Variants in DNAH8 observed in about 807,000 individuals in gnomAD.
The protein encoded by DNAH8 is dynein axonemal heavy chain 8, also known as axonemal beta dynein heavy chain 8.
A neutral mutation model predicts 562.1 loss-of-function variants in DNAH8; 382 were observed. The ratio of observed to expected loss-of-function variants is 0.68; its 90% CI spans 0.63 to 0.74. The LOEUF (loss-of-function observed/expected upper bound fraction) is 0.74, where lower values mean the gene tolerates loss of function less well. DNAH8 is among the 30% of genes least tolerant of loss of function. The pLI is 0.00. For synonymous variants in DNAH8, 1,881 were observed against 1,919.4 expected, an observed-to-expected ratio of 0.98 and a Z score of 0.52; for missense variants, 5,203 against 5,620.4, an observed-to-expected ratio of 0.93 and a Z score of 2.37.
At chr6:38,948,996 C>T (rs72853756) in intron 80 of DNAH8, among the ~76,000 whole-genome samples, 4,159 of 152,160 alleles carry the variant, frequency 0.027, 69 homozygotes, top group Non-Finnish European at 0.043. Flanking sequence ...GGGTAATCTA[C>T]CCACCCCCAG....
intron 4 of DNAH8, among the ~76,000 whole-genome samples, chr6:38,730,668 C>A (rs1763594946): frequency 6.6e-6 from 1 of 152,140 alleles, no homozygotes; most frequent in African/African-American, 2.4e-5. Context: ...TGTATTCCTG[C>A]CAAGTATATC....
intron 89 of DNAH8, among the ~76,000 whole-genome samples, chr6:39,011,922 T>C (rs1031853733): frequency 6.6e-6 from 1 of 152,164 alleles, no homozygotes; most frequent in Non-Finnish European, 1.5e-5. Flanking sequence ...TACTTAATCA[T>C]GTGAAAGGAG....
Position 38,971,654 on chromosome 6 carries a change from T to G in DNAH8, c.12514T>G (p.Ser4172Ala). 1 of 1,601,262 alleles carries G rather than the reference T, an allele frequency of 6.2e-7. No homozygotes were observed. Among genetic ancestry groups the G allele is most frequent in the African/African-American group, 1.3e-5 (1 of 74,644 alleles). Residue 4172 changes from serine to alanine, a missense_variant, in exon 83 of 93, where the codon TCA becomes GCA. By Grantham distance (99) the Ser-to-Ala change is moderately conservative. Transcript: ENST00000327475. ...ACATGCTCGAAAGCTGATTCAGATG[T>G]CAATGCAGCAGGTATGTGACAAGAG... ...EVHARKLIQM[S>A]MQQGGWVLLQ...
At chr6:38,718,726 T>C (rs1762526654) in intron 1 of DNAH8, among the ~76,000 whole-genome samples, 3 of 152,238 alleles carry the variant, frequency 2.0e-5, no homozygotes. Context: ...AGAGTCTGTA[T>C]GTCAGTGTTC....
At chr6:38,828,723 G>A (rs576818798) in intron 30 of DNAH8, among the ~76,000 whole-genome samples, 1 of 152,242 alleles carries the variant, frequency 6.6e-6, no homozygotes, top group African/African-American at 2.4e-5. Flanking sequence ...TATTTTAATG[G>A]CTTTATTGAG....
chr6:38,963,069 A>G (rs1762717693), intron 82 of DNAH8, among the ~76,000 whole-genome samples: 2 of 152,090 alleles, frequency 1.3e-5, no homozygotes, highest in Non-Finnish European at 2.9e-5. Flanking sequence ...AGAAATCACC[A>G]CTAAAAATCT....
rs776245704 is a variant in DNAH8 at position 38,723,166 on chromosome 6, T to C, written c.357T>C (p.Leu119=). The stretch of plus-strand genomic sequence containing the variant: ...GATACCGCCGGAGTATGAGTGGCCT[T>C]CCCAATCTACAGGAAACATTAAAAG... ...SSRYRRSMSG[L]PNLQETLKER... The change falls in exon 2 of 93, where the codon CTT becomes CTC. Residue 119 remains leucine, a synonymous_variant. Transcript: ENST00000327475. 5.0e-6 allele frequency: 8 copies of C among 1,612,364 alleles called. No individual in the cohort carries two copies. In the South Asian group the frequency reaches 6.6e-5, roughly 13 times the overall value.
rs775597703 is a variant in DNAH8 at position 38,929,679 on chromosome 6, A to G, written c.11274+13A>G. The G allele has an allele frequency of 4.1e-5, 44 of 1,070,678 alleles. No homozygotes were observed. The East Asian group carries it at 1.4e-3, about 34-fold the overall frequency. The allele number at this position is 1,070,678 out of a possible 1,614,324, so 66.3% of individuals were successfully genotyped here. Reference sequence around the variant, plus strand: ...CACCACTTTCAAGGTGAGCTTTGTAAAAAAAAAAAAAAAGAAAGAAAGAAA... The same window carrying G: ...CACCACTTTCAAGGTGAGCTTTGTAGAAAAAAAAAAAAAGAAAGAAAGAAA... On this transcript the variant is annotated intron_variant, in intron 75 of 92. Transcript: ENST00000327475.
intron 62 of DNAH8, among the ~76,000 whole-genome samples, chr6:38,904,767 G>A (rs897202779): frequency 6.1e-5 from 9 of 148,150 alleles, no homozygotes; most frequent in African/African-American, 2.3e-4. Context: ...ACTCCAGCCT[G>A]GGCAAGAAGA....
In DNAH8 at chr6:38,775,780, A is replaced by G; in HGVS notation, c.1791A>G (p.Gln597=). 6.3e-7 allele frequency: 1 copy of G among 1,597,314 alleles called. No homozygotes were observed. The highest frequency in any genetic ancestry group is 8.6e-7 in the Non-Finnish European group (1 of 1,165,996). Residue 597 remains glutamine, a synonymous_variant, in exon 13 of 93, where the codon CAA becomes CAG. Transcript: ENST00000327475. The stretch of plus-strand genomic sequence containing the variant: ...TTACAGAAATGATAACTGTTGTGCA[A>G]ACATATTCAACCTTGAGTAATTCTA... ...EKITEMITVV[Q]TYSTLSNSTI... is the part of the protein sequence containing the mutation.
chr6:38,839,365 T>TG (rs1774578159), intron 33 of DNAH8, among the ~76,000 whole-genome samples: 1 of 138,814 alleles, frequency 7.2e-6, no homozygotes, highest in Non-Finnish European at 1.5e-5. Context: ...GTTTTTTTTT[T>TG]GTTTGTTTTG....
intron 4 of DNAH8, among the ~76,000 whole-genome samples, chr6:38,734,078 G>A (rs1412831621): frequency 1.3e-5 from 2 of 151,422 alleles, no homozygotes; most frequent in Non-Finnish European, 2.9e-5. Flanking sequence ...GAGGTCAGGA[G>A]TTTGAGACCA....
intron 91 of DNAH8, among the ~76,000 whole-genome samples, chr6:39,016,615 G>C (rs1329110163): frequency 6.6e-6 from 1 of 151,964 alleles, no homozygotes; most frequent in Non-Finnish European, 1.5e-5. Context: ...TTGTATAAAG[G>C]CTGTAGTTTC....
At chr6:38,811,283 T>G (rs1771771396) in intron 24 of DNAH8, among the ~76,000 whole-genome samples, 1 of 152,232 alleles carries the variant, frequency 6.6e-6, no homozygotes, top group Non-Finnish European at 1.5e-5. Flanking sequence ...ATGGAACTTT[T>G]GTGAGTGAAG....
At chr6:38,909,891 A>T in intron 65 of DNAH8, 147 bp downstream of exon 65, 1 of 735,528 alleles carries the variant, frequency 1.4e-6, no homozygotes, top group Non-Finnish European at 2.2e-6. Context: ...TTTTCTAGTG[A>T]CTATGTATGA....
rs1192937197 is a variant in DNAH8 at position 38,944,638 on chromosome 6, G to T, written c.12008-829G>T. On this transcript the variant is annotated intron_variant, in intron 79 of 92. Coordinates refer to ENST00000327475, the MANE Select transcript of DNAH8 (RefSeq NM_001206927.2). ...TCATGTATTTCATTGGAAAATGCTG[G>T]GTATGCCCATTTGGCCTGAGATATG... is the stretch of plus-strand genomic sequence containing the variant. Among the ~76,000 whole-genome samples the T allele has an allele frequency of 2.6e-5, 4 of 152,100 alleles. No homozygotes were observed. The East Asian group carries it at 7.7e-4, about 29-fold the overall frequency.
At chr6:38,933,680 G>T (rs527768426) in intron 76 of DNAH8, among the ~76,000 whole-genome samples, 1 of 152,324 alleles carries the variant, frequency 6.6e-6, no homozygotes, top group Non-Finnish European at 1.5e-5. Context: ...TGCAAATACA[G>T]CAATGCTCTT....
chr6:38,734,563 CTG>C lies in DNAH8; in HGVS notation c.703_704del (p.Cys235HisfsTer8), dbSNP rs1170712883. On this transcript the variant is annotated frameshift_variant, in exon 5 of 93. Transcript: ENST00000327475. LOFTEE classifies it high-confidence loss of function. ...TGCAGCCCCGGATAAACTAAAAGGA[CTG>C]TGCATATTTTTTGTTCGTTGCCGTA... is the stretch of plus-strand genomic sequence containing the variant. ...DNAAPDKLKG[L>X]CIFFVRCRND... 1.2e-6 allele frequency: 2 copies of C among 1,613,816 alleles called. No individual in the cohort carries two copies. Among genetic ancestry groups the C allele is most frequent in the South Asian group, 2.2e-5 (2 of 91,066 alleles).
At chr6:39,008,762 A>G in intron 88 of DNAH8, 52 bp from the exon 89 acceptor site, 1 of 1,082,394 alleles carries the variant, frequency 9.2e-7, no homozygotes, top group Non-Finnish European at 1.3e-6. Context: ...CTTGACACTT[A>G]TCTCTTACAT....
Sources: gnomAD v4.1 joint callset for allele counts (sites outside exome capture counted in the v4.1 genomes callset) on GRCh38, gnomAD v4.1.1 for gene constraint, MANE v1.5 for transcripts, NCBI Gene and HGNC (gene_info 2026-07-23, HGNC 2026-07-21) for gene names.